The following GRIK1 variants were observed in gnomAD, a reference collection of about 807,000 sequenced individuals.
The protein encoded by GRIK1 is glutamate receptor ionotropic, kainate 1.
GRIK1 carries 69 observed loss-of-function variants against 105.7 expected under a neutral mutation model. The ratio of observed to expected loss-of-function variants is 0.65; its 90% CI spans 0.54 to 0.80. The LOEUF (loss-of-function observed/expected upper bound fraction) is 0.80. Among genes scored for constraint, GRIK1 ranks in the 30% least tolerant of loss-of-function variants. GRIK1 has a pLI of 0.00. For synonymous variants in GRIK1, 438 were observed against 431.3 expected (o/e 1.02, Z -0.19); for missense variants, 1,109 against 1,167.3 (o/e 0.95, Z 0.73).
Position 29,654,854 on chromosome 21 carries a change from T to C in GRIK1, c.736A>G (p.Met246Val), listed in dbSNP as rs778783238. Reference sequence around the variant, plus strand: ...TGATAGTACTCGGTCATCATGCCCATGAACAGAATCTGCAAAAGAGAAATA... The same window carrying C: ...TGATAGTACTCGGTCATCATGCCCACGAACAGAATCTGCAAAAGAGAAATA... Reference protein sequence around the residue: ...AAEILKQILFMGMMTEYYHYF... With the variant: ...AAEILKQILFVGMMTEYYHYF... Residue 246 changes from methionine (M) to valine (V), a missense_variant, in exon 5 of 18, where the codon ATG (methionine) becomes GTG (valine). By Grantham distance (21) the Met-to-Val change is conservative. Around this residue, in one of 5 missense-constraint regions of GRIK1, gnomAD observed 612 missense variants for 586.0 expected, o/e 1.04. Transcript: ENST00000327783. The C allele has an allele frequency of 6.3e-7, 1 of 1,578,756 alleles. No homozygotes were observed. The highest frequency in any genetic ancestry group is 1.1e-5 in the South Asian group (1 of 90,340).
chr21:29,764,029 T>C (rs2065595082), intron 1 of GRIK1: 1 of 152,204 alleles, frequency 6.6e-6, no homozygotes, highest in Non-Finnish European at 1.5e-5. Context: ...TCTTTTGCTT[T>C]CTTAAGCAGA....
In GRIK1 at chr21:29,537,889, TAAAA is replaced by T. The variant is rs759741927; in HGVS notation, c.2608-9_2608-6del. The T allele has an allele frequency of 1.9e-5, 20 of 1,029,942 alleles. No homozygotes were observed. Among genetic ancestry groups the T allele is most frequent in the African/African-American group, 5.2e-5 (3 of 57,224 alleles). 63.8% of individuals were successfully genotyped at this position (1,029,942 alleles called of 1,614,324 possible). On this transcript the variant is annotated splice_polypyrimidine_tract_variant and splice_region_variant and intron_variant, in intron 16 of 17. Transcript: ENST00000327783. Reference sequence around the variant, plus strand: ...AATTCTTGATGACTTTCCTTTCTGATAAAAAAAAAAGAAAAAAAAACAATTTTAA... The same window carrying T: ...AATTCTTGATGACTTTCCTTTCTGATAAAAAAGAAAAAAAAACAATTTTAA...
chr21:29,849,599 G>A (rs1437775808), intron 1 of GRIK1, among the ~76,000 whole-genome samples: 2 of 152,304 alleles, frequency 1.3e-5, no homozygotes, highest in East Asian at 3.9e-4. Flanking sequence ...GCCAATAAAA[G>A]GCCGTTTGTT....
chr21:29,821,704 T>C (rs1178546370), intron 1 of GRIK1, among the ~76,000 whole-genome samples: 2 of 152,226 alleles, frequency 1.3e-5, no homozygotes, highest in South Asian at 2.1e-4. Flanking sequence ...TATATTTGTT[T>C]ACATTTCTCG....
chr21:29,799,015 C>A (rs2066632316), intron 1 of GRIK1, among the ~76,000 whole-genome samples: 1 of 152,168 alleles, frequency 6.6e-6, no homozygotes, highest in African/African-American at 2.4e-5. Context: ...ATAATACTAT[C>A]TCAGAGAACA....
chr21:29,674,533 CGGG>C (rs540559776), intron 3 of GRIK1, among the ~76,000 whole-genome samples: 1 of 151,752 alleles, frequency 6.6e-6, no homozygotes, highest in Non-Finnish European at 1.5e-5. Flanking sequence ...CCCCATGTGT[CGGG>C]GGGGAACTTG....
intron 14 of GRIK1, among the ~76,000 whole-genome samples, chr21:29,565,697 G>T (rs929628376): frequency 2.0e-5 from 3 of 152,172 alleles, no homozygotes; most frequent in Non-Finnish European, 2.9e-5. Flanking sequence ...GCCTCCCAAA[G>T]TGCTGGGATT....
intron 14 of GRIK1, among the ~76,000 whole-genome samples, chr21:29,573,352 C>T (rs1328556417): frequency 6.6e-6 from 1 of 152,176 alleles, no homozygotes; most frequent in Non-Finnish European, 1.5e-5. Context: ...ATTATCCAAA[C>T]ATGTCGTAAT....
intron 1 of GRIK1, among the ~76,000 whole-genome samples, chr21:29,905,788 G>A (rs1026318874): frequency 4.0e-5 from 6 of 150,712 alleles, no homozygotes; most frequent in South Asian, 2.1e-4. Flanking sequence ...CACTACGCCC[G>A]GCTAATTTTT....
chr21:29,786,145 T>A (rs1165590557), intron 1 of GRIK1, among the ~76,000 whole-genome samples: 1 of 152,156 alleles, frequency 6.6e-6, no homozygotes, highest in Non-Finnish European at 1.5e-5. Flanking sequence ...CACACCACCA[T>A]GCCCAGCTAC....
chr21:29,716,223 C>T (rs912119524), intron 1 of GRIK1, among the ~76,000 whole-genome samples: 2 of 152,140 alleles, frequency 1.3e-5, no homozygotes, highest in Admixed American at 6.6e-5. Flanking sequence ...ATAAATTACC[C>T]ATCTCAGGTA....
At chr21:29,756,141 G>C (rs1303783678) in intron 1 of GRIK1, among the ~76,000 whole-genome samples, 1 of 152,202 alleles carries the variant, frequency 6.6e-6, no homozygotes, top group African/African-American at 2.4e-5. Context: ...CAGCACTTTG[G>C]GAGGCCGAGG....
At chr21:29,933,732 C>T (rs879931776) in intron 1 of GRIK1, among the ~76,000 whole-genome samples, 1 of 151,898 alleles carries the variant, frequency 6.6e-6, no homozygotes, top group Non-Finnish European at 1.5e-5. Flanking sequence ...TTATTATTTT[C>T]TCTTCTATAG....
At chr21:29,574,423 G>T (rs1273482373) in intron 14 of GRIK1, among the ~76,000 whole-genome samples, 6 of 152,174 alleles carry the variant, frequency 3.9e-5, no homozygotes, top group African/African-American at 1.4e-4. Flanking sequence ...AATCATTTCA[G>T]ATATTTTTTC....
intron 1 of GRIK1, among the ~76,000 whole-genome samples, chr21:29,748,598 A>G (rs763256838): frequency 6.6e-6 from 1 of 152,264 alleles, no homozygotes; most frequent in Non-Finnish European, 1.5e-5. Flanking sequence ...TAGGCAGAAT[A>G]GTATAAGCAT....
chr21:29,824,468 T>C (rs1371341052), intron 1 of GRIK1, among the ~76,000 whole-genome samples: 2 of 151,960 alleles, frequency 1.3e-5, no homozygotes, highest in African/African-American at 2.4e-5. Flanking sequence ...CAGATGGTGA[T>C]AAGGACGAAA....
Position 29,895,048 on chromosome 21 carries a change from C to T in GRIK1, c.118+44335G>A, listed in dbSNP as rs79114888. 3.9e-4 allele frequency among the ~76,000 whole-genome samples: 60 copies of T among 152,210 alleles called. No homozygotes were observed. In the East Asian group the frequency reaches 5.0e-3, roughly 13 times the overall value. On this transcript the variant is annotated intron_variant, in intron 1 of 17. Coordinates refer to ENST00000327783, the MANE Select transcript of GRIK1 (RefSeq NM_001330994.2). ...CCTCCTTAATCCATGAGAATTGATA[C>T]GGATCTAATAGTGGTGGTGGCAGGG...
chr21:29,839,860 TGGA>T (rs1484783824), intron 1 of GRIK1, among the ~76,000 whole-genome samples: 1 of 152,142 alleles, frequency 6.6e-6, no homozygotes, highest in East Asian at 1.9e-4. Flanking sequence ...TCGCTGGTGG[TGGA>T]GAAGGTGATA....
At chr21:29,604,936 T>C (rs1005206185) in intron 7 of GRIK1, among the ~76,000 whole-genome samples, 3 of 152,194 alleles carry the variant, frequency 2.0e-5, no homozygotes, top group African/African-American at 7.2e-5. Context: ...TGCACATATT[T>C]TATTATTAGG....
Sources: allele counts gnomAD v4.1 joint callset (sites outside exome capture counted in the v4.1 genomes callset), GRCh38; gene constraint gnomAD v4.1.1; regional missense constraint gnomAD v4.1.1; transcripts MANE v1.5; gene names NCBI Gene and HGNC (gene_info 2026-07-23, HGNC 2026-07-21).